ZNF654: variants seen among roughly 807,000 people sequenced by gnomAD.
ZNF654 encodes the protein melanoma-associated antigen.
A neutral mutation model predicts 95.3 loss-of-function variants in ZNF654; 19 were observed. That is an observed-to-expected ratio of 0.20 (90% CI 0.14 to 0.29). The LOEUF is 0.29. Ranked by LOEUF, ZNF654 falls within the 10% of genes least tolerant of loss-of-function variation. The pLI is 1.00. For synonymous variants in ZNF654, 413 were observed against 457.9 expected (o/e 0.90, Z 1.25); for missense variants, 1,046 against 1,341.0 (o/e 0.78, Z 3.44).
At chr3:88,103,761 ACT>A (rs1704569816) in intron 2 of ZNF654, among the ~76,000 whole-genome samples, 2 of 116,570 alleles carry the variant, frequency 1.7e-5, no homozygotes, top group African/African-American at 3.1e-5. Flanking sequence ...AGATGTATTA[ACT>A]TTTTTTTTTT....
chr3:88,093,910 T>G (rs9881255), intron 2 of ZNF654, among the ~76,000 whole-genome samples: 119,109 of 152,054 alleles, frequency 0.78, 47,574 homozygotes, highest in South Asian at 0.91. Flanking sequence ...CAATGAGTAT[T>G]GCCCATCTCC....
At position 88,142,696 on chromosome 3, in the gene ZNF654, A is replaced by G. The variant is rs1707190956; in HGVS notation, c.*1044A>G. 6.6e-6 allele frequency: 1 copy of G among 152,348 alleles called. No homozygotes were observed. The highest frequency in any genetic ancestry group is 1.5e-5 in the Non-Finnish European group (1 of 67,818). 9.4% of individuals were successfully genotyped at this position (152,348 alleles called of 1,614,324 possible). A position where few individuals can be genotyped will look rare whatever the true frequency, so the allele number is the denominator to read the frequency against. The stretch of plus-strand genomic sequence containing the variant: ...TCATTTTATTCTATTAGGAGAGGTA[A>G]TTCCAAAATAAGCCATACTATTCCT... On this transcript the variant is annotated 3_prime_UTR_variant, in exon 9 of 9. Coordinates refer to ENST00000636215, the MANE Select transcript of ZNF654 (RefSeq NM_001350134.2).
At chr3:88,063,090 A>G (rs2107585987) in intron 1 of ZNF654, among the ~76,000 whole-genome samples, 1 of 152,282 alleles carries the variant, frequency 6.6e-6, no homozygotes, top group African/African-American at 2.4e-5. Context: ...CCCTTAGGAG[A>G]CATTTGGCAA....
chr3:88,096,630 T>G (rs1425094336), intron 2 of ZNF654, among the ~76,000 whole-genome samples: 1 of 152,182 alleles, frequency 6.6e-6, no homozygotes, highest in African/African-American at 2.4e-5. Context: ...TTTCTTCTGA[T>G]GAAAAATCTG....
At chr3:88,061,711 CAG>C (rs1392057761) in intron 1 of ZNF654, among the ~76,000 whole-genome samples, 1 of 152,106 alleles carries the variant, frequency 6.6e-6, no homozygotes, top group Non-Finnish European at 1.5e-5. Context: ...GTAAGGGAAG[CAG>C]GGGGATTATT....
At chr3:88,087,435 A>C (rs1195394261) in intron 2 of ZNF654, among the ~76,000 whole-genome samples, 1 of 152,230 alleles carries the variant, frequency 6.6e-6, no homozygotes, top group Admixed American at 6.5e-5. Context: ...TAAAAACTGA[A>C]CATTTGTGAT....
Position 88,139,969 on chromosome 3 carries a change from C to G in ZNF654, c.2300C>G (p.Ala767Gly). Residue 767 changes from alanine (A) to glycine (G), a missense_variant, in exon 8 of 9, where the codon GCA becomes GGA. Around this residue, in one of 9 missense-constraint regions of ZNF654, gnomAD observed 495 missense variants for 537.0 expected, o/e 0.92. Coordinates refer to ENST00000636215, the MANE Select transcript of ZNF654 (RefSeq NM_001350134.2). The part of the protein sequence containing the change: ...FKRIGFLNKH[A>G]MTVHPTDLNV... Reference sequence around the variant, plus strand: ...AGAATTGGGTTTCTAAATAAACATGCAATGACCGTACATCCAACCGATTTA... The same window carrying G: ...AGAATTGGGTTTCTAAATAAACATGGAATGACCGTACATCCAACCGATTTA... The G allele has an allele frequency of 1.2e-6, 2 of 1,613,708 alleles. 1 individual carries two copies. Among genetic ancestry groups the G allele is most frequent in the South Asian group, 2.2e-5 (2 of 91,066 alleles).
intron 1 of ZNF654, among the ~76,000 whole-genome samples, chr3:88,068,222 T>C (rs1225894151): frequency 6.6e-6 from 1 of 152,108 alleles, no homozygotes; most frequent in Non-Finnish European, 1.5e-5. Flanking sequence ...TCAGTGCTTA[T>C]TTGTCTCGGT....
chr3:88,108,341 A>G (rs1358514702), intron 2 of ZNF654, among the ~76,000 whole-genome samples: 2 of 151,986 alleles, frequency 1.3e-5, no homozygotes, highest in African/African-American at 4.8e-5. Context: ...CTAGCATTTT[A>G]ATTGTTTTCA....
chr3:88,112,735 T>G (rs1705166686), intron 2 of ZNF654, among the ~76,000 whole-genome samples: 1 of 151,982 alleles, frequency 6.6e-6, no homozygotes, highest in South Asian at 2.1e-4. Flanking sequence ...AGATTTTGGA[T>G]TTTCTCTGGA....
chr3:88,138,061 G>C (rs546169291), intron 7 of ZNF654, among the ~76,000 whole-genome samples: 3 of 152,090 alleles, frequency 2.0e-5, no homozygotes, highest in Non-Finnish European at 4.4e-5. Context: ...ATCAGTGAAT[G>C]TTTCAAAGCT....
At chr3:88,110,729 A>C (rs1237312184) in intron 2 of ZNF654, among the ~76,000 whole-genome samples, 6 of 152,108 alleles carry the variant, frequency 3.9e-5, no homozygotes, top group African/African-American at 1.4e-4. Flanking sequence ...TTAGTTGACT[A>C]TTTATACAGT....
intron 2 of ZNF654, among the ~76,000 whole-genome samples, 167 bp downstream of exon 2, chr3:88,086,569 A>G (rs1708344583): frequency 6.6e-6 from 1 of 152,194 alleles, no homozygotes; most frequent in African/African-American, 2.4e-5. Context: ...ACATGTAACC[A>G]TAATTTTACT....
At chr3:88,129,349 A>G (rs1706310643) in intron 5 of ZNF654, among the ~76,000 whole-genome samples, 1 of 144,346 alleles carries the variant, frequency 6.9e-6, no homozygotes, top group African/African-American at 2.5e-5. Flanking sequence ...AAAAAAACCC[A>G]AGAAGCATTA....
rs1028582750 is a variant in ZNF654 at position 88,142,259 on chromosome 3, T to A, written c.*607T>A. ...GATGATTAATTAGGTCAAAGTTCAATGAATGGCACGCCAGCATTGAAAATT... is the reference window on the plus strand; with the variant it reads ...GATGATTAATTAGGTCAAAGTTCAAAGAATGGCACGCCAGCATTGAAAATT... On this transcript the variant is annotated 3_prime_UTR_variant, in exon 9 of 9. Coordinates refer to ENST00000636215, the MANE Select transcript of ZNF654 (RefSeq NM_001350134.2). 2.0e-5 allele frequency: 3 copies of A among 150,208 alleles called. No individual in the cohort carries two copies. Among genetic ancestry groups the A allele is most frequent in the African/African-American group, 7.3e-5 (3 of 40,948 alleles). 9.3% of individuals were successfully genotyped at this position (150,208 alleles called of 1,614,324 possible). A position where few individuals can be genotyped will look rare whatever the true frequency, so the allele number is the denominator to read the frequency against.
At chr3:88,098,953 C>T (rs1232527572) in intron 2 of ZNF654, among the ~76,000 whole-genome samples, 1 of 152,142 alleles carries the variant, frequency 6.6e-6, no homozygotes, top group Non-Finnish European at 1.5e-5. Context: ...GTCACTACTT[C>T]TATTCATCAT....
intron 1 of ZNF654, among the ~76,000 whole-genome samples, chr3:88,080,415 T>A (rs1013928321): frequency 6.6e-6 from 1 of 152,178 alleles, no homozygotes; most frequent in African/African-American, 2.4e-5. Context: ...TGATAGCTCT[T>A]GTTTGTTACA....
In ZNF654 at chr3:88,118,721, C is replaced by T. The variant is rs73844880; in HGVS notation, c.414+5525C>T. Among the ~76,000 whole-genome samples the T allele has an allele frequency of 3.0e-3, 462 of 152,234 alleles. 3 individuals carry two copies. The highest frequency in any genetic ancestry group is 0.011 in the African/African-American group (444 of 41,546). The stretch of plus-strand genomic sequence containing the variant: ...CAACCATATCAGCTTAATAGCAAAG[C>T]ATTTTTTGAGGCGAATTTTCAAAAC... On this transcript the variant is annotated intron_variant, in intron 3 of 8. Transcript: ENST00000636215.
intron 2 of ZNF654, among the ~76,000 whole-genome samples, chr3:88,093,193 T>G (rs1428364142): frequency 6.6e-6 from 1 of 152,192 alleles, no homozygotes; most frequent in Non-Finnish European, 1.5e-5. Flanking sequence ...TCTTACTGGT[T>G]TTTTCCTTTT....
Sources: gnomAD v4.1 joint callset for allele counts (sites outside exome capture counted in the v4.1 genomes callset) on GRCh38, gnomAD v4.1.1 for gene constraint, gnomAD v4.1.1 regional missense constraint, MANE v1.5 for transcripts, NCBI Gene and HGNC (gene_info 2026-07-23, HGNC 2026-07-21) for gene names.